SEMA6D: variants seen among roughly 807,000 people sequenced by gnomAD.
SEMA6D encodes the protein semaphorin-6D.
SEMA6D carries 35 observed loss-of-function variants against 106.6 expected under a neutral mutation model. The observed-to-expected ratio is 0.33, with a 90% CI of 0.25 to 0.44. The LOEUF (loss-of-function observed/expected upper bound fraction) is 0.44. Among genes scored for constraint, SEMA6D ranks in the 20% least tolerant of loss-of-function variants. SEMA6D has a pLI of 1.00. For synonymous variants in SEMA6D, 499 were observed against 487.7 expected (o/e 1.02, Z -0.31); for missense variants, 1,185 against 1,345.9 (o/e 0.88, Z 1.87).
intron 1 of SEMA6D, chr15:47,359,384 A>T (rs1420456480): frequency 2.0e-5 from 3 of 152,180 alleles, no homozygotes; most frequent in Non-Finnish European, 4.4e-5. Context: ...TGTGAGGATT[A>T]ATGACTTAAT....
intron 3 of SEMA6D, among the ~76,000 whole-genome samples, chr15:47,471,202 G>A (rs746210195): frequency 5.3e-5 from 8 of 152,162 alleles, no homozygotes; most frequent in Non-Finnish European, 1.2e-4. Context: ...GGGTGACTGA[G>A]TGGACTTCAT....
At chr15:47,310,911 C>G (rs1191662894) in intron 1 of SEMA6D, among the ~76,000 whole-genome samples, 1 of 152,194 alleles carries the variant, frequency 6.6e-6, no homozygotes, top group Non-Finnish European at 1.5e-5. Flanking sequence ...CATAGCTTAA[C>G]ACAGGATTTC....
At chr15:47,614,164 G>A (rs546942432) in intron 4 of SEMA6D, among the ~76,000 whole-genome samples, 109 of 152,110 alleles carry the variant, frequency 7.2e-4, no homozygotes, top group African/African-American at 2.6e-3. Context: ...AATGATGAAT[G>A]AATCAGGTGA....
intron 1 of SEMA6D, among the ~76,000 whole-genome samples, chr15:47,345,284 C>T (rs1458523984): frequency 1.3e-5 from 2 of 151,760 alleles, no homozygotes; most frequent in Non-Finnish European, 2.9e-5. Flanking sequence ...AAAAGATAAA[C>T]ATAAGGGACC....
intron 1 of SEMA6D, among the ~76,000 whole-genome samples, chr15:47,338,113 G>A (rs542738244): frequency 2.0e-5 from 3 of 152,260 alleles, no homozygotes; most frequent in Non-Finnish European, 2.9e-5. Flanking sequence ...CTAGAGTAGC[G>A]GTGTTGCCTA....
At chr15:47,289,393 C>CAAAAAAAAAA (rs746946975) in intron 1 of SEMA6D, among the ~76,000 whole-genome samples, 3 of 46,554 alleles carry the variant, frequency 6.4e-5, no homozygotes, top group African/African-American at 1.6e-4. Context: ...AACTCCATCT[C>CAAAAAAAAAA]AAAAAAAAAA....
intron 2 of SEMA6D, among the ~76,000 whole-genome samples, chr15:47,458,106 A>G (rs2042398141): frequency 6.6e-6 from 1 of 152,012 alleles, no homozygotes. Context: ...CAAGAGCTGA[A>G]ATCTAGATCT....
At chr15:47,511,256 A>G (rs1359790448) in intron 3 of SEMA6D, among the ~76,000 whole-genome samples, 1 of 152,152 alleles carries the variant, frequency 6.6e-6, no homozygotes, top group Non-Finnish European at 1.5e-5. Context: ...GCATCAGTTT[A>G]ATCTGTGTCC....
intron 1 of SEMA6D, among the ~76,000 whole-genome samples, chr15:47,236,145 G>T (rs1473575483): frequency 6.6e-6 from 1 of 152,050 alleles, no homozygotes; most frequent in African/African-American, 2.4e-5. Flanking sequence ...GTTCTGAAAA[G>T]GTTGATTCCA....
chr15:47,557,255 C>T (rs2045941512), intron 3 of SEMA6D, among the ~76,000 whole-genome samples: 1 of 152,092 alleles, frequency 6.6e-6, no homozygotes, highest in Non-Finnish European at 1.5e-5. Context: ...ATAGCAGGCA[C>T]TCTATCACTG....
intron 2 of SEMA6D, among the ~76,000 whole-genome samples, chr15:47,462,753 T>G (rs1193990482): frequency 2.0e-5 from 3 of 152,136 alleles, no homozygotes; most frequent in East Asian, 1.9e-4. Context: ...AGGCCTTCTC[T>G]TTTTCATTAT....
intron 3 of SEMA6D, among the ~76,000 whole-genome samples, chr15:47,472,091 C>T (rs113826791): frequency 9.2e-5 from 14 of 152,124 alleles, no homozygotes; most frequent in South Asian, 2.1e-4. Flanking sequence ...ATCAGCAAAA[C>T]GCAAGAAGGC....
At chr15:47,609,013 G>A (rs995399203) in intron 4 of SEMA6D, among the ~76,000 whole-genome samples, 7 of 152,180 alleles carry the variant, frequency 4.6e-5, no homozygotes, top group Admixed American at 4.6e-4. Flanking sequence ...TTATAGGTGA[G>A]AATTCAATGT....
chr15:47,210,634 A>G (rs1400643810), intron 1 of SEMA6D, among the ~76,000 whole-genome samples: 5 of 151,974 alleles, frequency 3.3e-5, no homozygotes, highest in African/African-American at 1.2e-4. Flanking sequence ...GCGTGGTGGC[A>G]CATGCCTATA....
chr15:47,291,144 A>G (rs891612478), intron 1 of SEMA6D, among the ~76,000 whole-genome samples: 3 of 152,228 alleles, frequency 2.0e-5, no homozygotes, highest in African/African-American at 7.2e-5. Context: ...TAATGGAGAA[A>G]AAAAGCCCGA....
chr15:47,325,881 A>T (rs1227717259), intron 1 of SEMA6D, among the ~76,000 whole-genome samples: 2 of 152,202 alleles, frequency 1.3e-5, no homozygotes, highest in Admixed American at 1.3e-4. Flanking sequence ...AAGAGATATA[A>T]ATTTGTTACC....
intron 1 of SEMA6D, among the ~76,000 whole-genome samples, chr15:47,304,071 A>G (rs953747730): frequency 1.4e-4 from 21 of 152,178 alleles, no homozygotes; most frequent in African/African-American, 5.1e-4. Context: ...GTGTTTTAGC[A>G]TGAGTTTTAT....
At chr15:47,766,503 C>G in intron 15 of SEMA6D, 113 bp from the exon 16 acceptor site, 1 of 697,304 alleles carries the variant, frequency 1.4e-6, no homozygotes, top group Non-Finnish European at 2.3e-6. Flanking sequence ...TTTTTTTTTT[C>G]TCTCTCTGCC....
intron 1 of SEMA6D, among the ~76,000 whole-genome samples, chr15:47,365,411 ACTC>A (rs1408954459): frequency 6.6e-6 from 1 of 151,600 alleles, no homozygotes; most frequent in East Asian, 1.9e-4. Context: ...AGCCCAAAGA[ACTC>A]CTCTGTGGTG....
Sources: allele counts gnomAD v4.1 joint callset (sites outside exome capture counted in the v4.1 genomes callset), GRCh38; gene constraint gnomAD v4.1.1; transcripts MANE v1.5; gene names NCBI Gene and HGNC (gene_info 2026-07-23, HGNC 2026-07-21).